The following MLIP variants were observed in gnomAD, a reference collection of about 807,000 sequenced individuals.
The protein encoded by MLIP is muscular LMNA-interacting protein.
MLIP carries 79 observed loss-of-function variants against 84.8 expected under a neutral mutation model. The ratio of observed to expected loss-of-function variants is 0.93; its 90% confidence interval spans 0.78 to 1.12. The LOEUF (loss-of-function observed/expected upper bound fraction) is 1.12. Among genes scored for constraint, MLIP ranks in the 50% most tolerant of loss-of-function variants. The pLI, the probability that MLIP is intolerant of heterozygous loss-of-function variation, is 0.00. For missense variants in MLIP, 1,257 were observed against 1,160.6 expected (o/e 1.08, Z -1.21); for synonymous variants, 504 against 463.0 (o/e 1.09, Z -1.14).
chr6:54,252,329 CCATAT>C (rs1782673289), intron 12 of MLIP, among the ~76,000 whole-genome samples: 3 of 109,734 alleles, frequency 2.7e-5, no homozygotes, highest in African/African-American at 8.2e-5. Flanking sequence ...ATATATTATA[CCATAT>C]AATATATAAT....
chr6:54,184,104 CT>C (rs1057184309), intron 9 of MLIP, among the ~76,000 whole-genome samples: 15 of 152,064 alleles, frequency 9.9e-5, no homozygotes, highest in African/African-American at 3.6e-4. Context: ...TGAGTGTTGT[CT>C]TTCTGCTTAG....
At chr6:54,072,011 A>G (rs962046566) in intron 1 of MLIP, among the ~76,000 whole-genome samples, 1 of 152,172 alleles carries the variant, frequency 6.6e-6, no homozygotes. Flanking sequence ...CCCTTTGATC[A>G]TTTCAGAGAA....
At chr6:54,156,359 T>A (rs1282132394) in intron 5 of MLIP, among the ~76,000 whole-genome samples, 1 of 152,128 alleles carries the variant, frequency 6.6e-6, no homozygotes, top group Non-Finnish European at 1.5e-5. Context: ...ACACCTGTTA[T>A]CTTCCATAGT....
At chr6:54,163,992 A>G (rs969786984) in intron 8 of MLIP, among the ~76,000 whole-genome samples, 1 of 151,936 alleles carries the variant, frequency 6.6e-6, no homozygotes, top group Non-Finnish European at 1.5e-5. Flanking sequence ...TTTGTCTTCA[A>G]CAACATACTT....
At chr6:54,228,711 C>A (rs2150796441) in intron 11 of MLIP, among the ~76,000 whole-genome samples, 1 of 152,262 alleles carries the variant, frequency 6.6e-6, no homozygotes, top group East Asian at 1.9e-4. Flanking sequence ...ATGGGCTTTC[C>A]CCCTGACAAC....
upstream of MLIP, among the ~76,000 whole-genome samples, chr6:54,108,367 C>T (rs1769174263): frequency 2.0e-5 from 3 of 152,152 alleles, no homozygotes; most frequent in Non-Finnish European, 4.4e-5. Context: ...CCTCTCCACT[C>T]AGGTAATTTA....
At chr6:54,139,419 T>C (rs1451235463) in intron 4 of MLIP, among the ~76,000 whole-genome samples, 1 of 152,088 alleles carries the variant, frequency 6.6e-6, no homozygotes, top group Non-Finnish European at 1.5e-5. Context: ...TTTAACTTAA[T>C]GAAGAGGAAA....
At chr6:54,253,251 G>A (rs891406907) in intron 12 of MLIP, among the ~76,000 whole-genome samples, 1 of 152,238 alleles carries the variant, frequency 6.6e-6, no homozygotes, top group South Asian at 2.1e-4. Flanking sequence ...GTCTTGAGAA[G>A]GTTATGCTCT....
chr6:54,059,686 C>T (rs576195619), intron 1 of MLIP, among the ~76,000 whole-genome samples: 7 of 152,188 alleles, frequency 4.6e-5, no homozygotes, highest in Admixed American at 3.3e-4. Context: ...TCCCTGCTGG[C>T]CATAATAAAT....
chr6:54,077,017 G>A (rs768950088), intron 1 of MLIP, among the ~76,000 whole-genome samples: 1 of 152,126 alleles, frequency 6.6e-6, no homozygotes, highest in Non-Finnish European at 1.5e-5. Flanking sequence ...CACTGAGAAC[G>A]TCTTGTGTTA....
chr6:54,221,384 TTTAAC>T (rs1189669280), intron 11 of MLIP, among the ~76,000 whole-genome samples: 1 of 152,010 alleles, frequency 6.6e-6, no homozygotes, highest in African/African-American at 2.4e-5. Context: ...AAAATTAATA[TTTAAC>T]TTGAGACTTT....
chr6:54,099,957 G>A (rs1768520213), intron 1 of MLIP, among the ~76,000 whole-genome samples: 1 of 152,110 alleles, frequency 6.6e-6, no homozygotes, highest in South Asian at 2.1e-4. Flanking sequence ...TAAAAGAAAA[G>A]TGCTTTGGAG....
At chr6:54,072,758 T>C (rs1166585718) in intron 1 of MLIP, among the ~76,000 whole-genome samples, 1 of 152,248 alleles carries the variant, frequency 6.6e-6, no homozygotes, top group Non-Finnish European at 1.5e-5. Context: ...TCATCAGAAA[T>C]AATCCTGCTA....
intron 1 of MLIP, among the ~76,000 whole-genome samples, chr6:54,020,812 C>A (rs779626939): frequency 7.9e-5 from 12 of 152,010 alleles, no homozygotes; most frequent in Admixed American, 3.9e-4. Flanking sequence ...CCAAAGATTG[C>A]GGGGAAATAT....
intron 1 of MLIP, chr6:54,083,526 G>A: frequency 3.3e-6 from 5 of 1,535,762 alleles, no homozygotes; most frequent in Non-Finnish European, 4.4e-6. Flanking sequence ...CACTGACCTT[G>A]CCGTTACAAC....
At chr6:54,079,776 T>C (rs1018440533) in intron 1 of MLIP, 10 of 152,222 alleles carry the variant, frequency 6.6e-5, no homozygotes, top group African/African-American at 2.4e-4. Flanking sequence ...CTCAGCTTGG[T>C]TTCACCTCTT....
chr6:54,224,114 A>C (rs1780410662), intron 11 of MLIP, among the ~76,000 whole-genome samples: 2 of 152,096 alleles, frequency 1.3e-5, no homozygotes, highest in South Asian at 4.1e-4. Context: ...TTATAGCATT[A>C]GAAAACGATA....
chr6:54,192,592 G>A (rs1333976529), intron 10 of MLIP, among the ~76,000 whole-genome samples: 1 of 151,618 alleles, frequency 6.6e-6, no homozygotes, highest in Non-Finnish European at 1.5e-5. Flanking sequence ...AAATAAGAAT[G>A]TCTTTGATAA....
intron 1 of MLIP, among the ~76,000 whole-genome samples, chr6:54,040,548 C>T (rs1764684338): frequency 6.6e-6 from 1 of 152,042 alleles, no homozygotes; most frequent in Non-Finnish European, 1.5e-5. Flanking sequence ...TTTGACCCAG[C>T]AATCCCATTA....
Sources: gnomAD v4.1 joint callset for allele counts (sites outside exome capture counted in the v4.1 genomes callset) on GRCh38, gnomAD v4.1.1 for gene constraint, MANE v1.5 for transcripts, NCBI Gene and HGNC (gene_info 2026-07-23, HGNC 2026-07-21) for gene names.